Variants in CSPP1 observed in about 807,000 individuals in gnomAD.
CSPP1 encodes centrosome and spindle pole associated protein 1.
CSPP1 carries 126 observed loss-of-function variants against 164.4 expected under a neutral mutation model. That is an observed-to-expected ratio of 0.77 (90% confidence interval 0.66 to 0.89). The LOEUF (loss-of-function observed/expected upper bound fraction) is 0.89, where lower values mean the gene tolerates loss of function less well. CSPP1 is among the 40% of genes least tolerant of loss of function. CSPP1 has a pLI of 0.00. For missense variants in CSPP1, 1,395 were observed against 1,449.8 expected (o/e 0.96, Z 0.61); for synonymous variants, 472 against 476.7 (o/e 0.99, Z 0.13).
intron 1 of CSPP1, among the ~76,000 whole-genome samples, chr8:67,068,567 A>T (rs1806066879): frequency 6.6e-6 from 1 of 152,218 alleles, no homozygotes; most frequent in African/African-American, 2.4e-5. Context: ...TACCTATGCC[A>T]TATTTATTAA....
chr8:67,143,070 GT>G (rs985570926), intron 17 of CSPP1, among the ~76,000 whole-genome samples: 3 of 149,506 alleles, frequency 2.0e-5, no homozygotes, highest in South Asian at 2.1e-4. Context: ...AATTTTACCA[GT>G]TTTTTTTTTC....
intron 21 of CSPP1, among the ~76,000 whole-genome samples, chr8:67,159,909 TTTCTTTCTTTCTTTCCTTTCCTTCC>T (rs1827655157): frequency 3.1e-5 from 2 of 64,528 alleles, no homozygotes; most frequent in East Asian, 4.1e-4. Context: ...TCTTTCTTTC[TTTCTTTCTTTCTTTCCTTTCCTTCC>T]TTCCTTCCTT....
intron 30 of CSPP1, among the ~76,000 whole-genome samples, chr8:67,195,082 G>C (rs1007196965): frequency 6.6e-6 from 1 of 152,164 alleles, no homozygotes; most frequent in South Asian, 2.1e-4. Context: ...TGTTGACTTT[G>C]TTTTATGGAG....
At position 67,093,483 on chromosome 8, in the gene CSPP1, T is replaced by C. The variant is rs767925125; in HGVS notation, c.385-60T>C. 7.1e-5 allele frequency: 72 copies of C among 1,011,052 alleles called. 1 individual carries two copies. The Admixed American group carries it at 1.1e-3, about 16-fold the overall frequency. 62.6% of individuals were successfully genotyped at this position (1,011,052 alleles called of 1,614,324 possible). ...CAGATTTGACATTCTGATAGGACAT[T>C]GAGGGATTTTTTTTTCCTGAAGTTG... is the stretch of plus-strand genomic sequence containing the variant. On this transcript the variant is annotated intron_variant, in intron 5 of 30. Coordinates refer to ENST00000678616, the MANE Select transcript of CSPP1 (RefSeq NM_001382391.1).
At chr8:67,075,724 A>G (rs1257026136) in intron 2 of CSPP1, among the ~76,000 whole-genome samples, 1 of 152,162 alleles carries the variant, frequency 6.6e-6, no homozygotes, top group Admixed American at 6.5e-5. Context: ...CAAGGACTTT[A>G]TATGTATCAT....
chr8:67,099,868 C>G (rs1174364243), intron 7 of CSPP1, among the ~76,000 whole-genome samples: 1 of 152,026 alleles, frequency 6.6e-6, no homozygotes, highest in Non-Finnish European at 1.5e-5. Flanking sequence ...TATAGTTTGT[C>G]TTTTCAGCTT....
chr8:67,161,024 G>A (rs1306623044), intron 21 of CSPP1, among the ~76,000 whole-genome samples: 3 of 151,978 alleles, frequency 2.0e-5, no homozygotes, highest in Admixed American at 1.3e-4. Flanking sequence ...TCACCATGTT[G>A]GCCAGGCTGG....
At chr8:67,175,981 A>ATGC (rs1454547491) in intron 26 of CSPP1, among the ~76,000 whole-genome samples, 1 of 151,564 alleles carries the variant, frequency 6.6e-6, no homozygotes, top group Non-Finnish European at 1.5e-5. Context: ...TGAGTGACAT[A>ATGC]TGCTGCTGCT....
chr8:67,186,496 C>T (rs530245397), intron 28 of CSPP1, among the ~76,000 whole-genome samples: 1 of 151,644 alleles, frequency 6.6e-6, no homozygotes, highest in South Asian at 2.1e-4. Context: ...GTCTACCACC[C>T]ATTTATGGTA....
chr8:67,127,347 T>C (rs1443580793), intron 15 of CSPP1, among the ~76,000 whole-genome samples: 1 of 152,176 alleles, frequency 6.6e-6, no homozygotes, highest in Non-Finnish European at 1.5e-5. Flanking sequence ...AGGGCCCTTT[T>C]CCTGGCTTTG....
intron 15 of CSPP1, among the ~76,000 whole-genome samples, chr8:67,126,989 C>G (rs780239029): frequency 1.3e-5 from 2 of 151,794 alleles, no homozygotes; most frequent in Admixed American, 6.6e-5. Flanking sequence ...TGGGGAATTC[C>G]AGACCTATTC....
intron 27 of CSPP1, 91 bp from the exon 28 acceptor site, chr8:67,179,772 A>C: frequency 1.2e-6 from 1 of 807,278 alleles, no homozygotes; most frequent in East Asian, 2.5e-5. Context: ...TAGGGAGAAC[A>C]GTGTGGAAAC....
At chr8:67,169,350 A>T (rs566165714) in intron 24 of CSPP1, among the ~76,000 whole-genome samples, 2 of 152,330 alleles carry the variant, frequency 1.3e-5, no homozygotes, top group East Asian at 3.9e-4. Context: ...TTAACTAGTT[A>T]GGTTATCAAG....
intron 28 of CSPP1, among the ~76,000 whole-genome samples, chr8:67,184,147 C>T (rs1833780579): frequency 6.6e-6 from 1 of 152,062 alleles, no homozygotes; most frequent in African/African-American, 2.4e-5. Flanking sequence ...GCCACTGCGC[C>T]CGGCCAAAAA....
intron 9 of CSPP1, 121 bp downstream of exon 9, chr8:67,106,096 G>A (rs913575496): frequency 4.9e-6 from 3 of 617,478 alleles, no homozygotes; most frequent in Non-Finnish European, 8.7e-6. Context: ...ATTTGTAAGT[G>A]CTTACTTTAC....
chr8:67,139,382 T>G lies in CSPP1; in HGVS notation c.1975+1779T>G, dbSNP rs528688744. 3.3e-5 allele frequency among the ~76,000 whole-genome samples: 5 copies of G among 152,152 alleles called. No individual in the cohort carries two copies. The South Asian group carries it at 1.0e-3, about 32-fold the overall frequency. On this transcript the variant is annotated intron_variant, in intron 17 of 30. Transcript: ENST00000678616. ...GGATGTGGAGAAATAGGAACACTTT[T>G]ACACTGTTGGTGGGACTGTAAACTA...
chr8:67,105,976 G>C lies in CSPP1; in HGVS notation c.1093+1G>C. 1 of 1,551,612 alleles carries C rather than the reference G, an allele frequency of 6.4e-7. No individual in the cohort carries two copies. The highest frequency in any genetic ancestry group is 2.2e-5 in the East Asian group (1 of 44,534). On this transcript the variant is annotated splice_donor_variant, in intron 9 of 30. Coordinates refer to ENST00000678616, the MANE Select transcript of CSPP1 (RefSeq NM_001382391.1). LOFTEE classifies it high-confidence loss of function. ...AGTCCTTTTGCAGGGATGCTCTTTG[G>C]TAGGCACAAAACTTCCAACTAGTTG...
At chr8:67,159,217 G>T in intron 21 of CSPP1, 80 bp downstream of exon 21, 1 of 1,324,390 alleles carries the variant, frequency 7.6e-7, no homozygotes, top group Non-Finnish European at 1.0e-6. Context: ...TGTTAGAAAA[G>T]GGGAGAAAGA....
intron 24 of CSPP1, among the ~76,000 whole-genome samples, chr8:67,167,883 C>T (rs1305497758): frequency 6.6e-6 from 1 of 152,194 alleles, no homozygotes. Flanking sequence ...CTCCTCACTT[C>T]CCAGACGGGG....
Sources: allele counts gnomAD v4.1 joint callset (sites outside exome capture counted in the v4.1 genomes callset), GRCh38; gene constraint gnomAD v4.1.1; transcripts MANE v1.5; gene names NCBI Gene and HGNC (gene_info 2026-07-23, HGNC 2026-07-21).